The following CELF2 variants were observed in gnomAD, a reference collection of about 807,000 sequenced individuals.
The protein encoded by CELF2 is CUGBP Elav-like family member 2.
Under a neutral mutation model 62.6 loss-of-function variants are expected in CELF2, and 8 were observed. That is an observed-to-expected ratio of 0.13 (90% confidence interval 0.07 to 0.23). CELF2 has a LOEUF of 0.23. Among genes scored for constraint, CELF2 ranks in the 10% least tolerant of loss-of-function variants. The probability of loss-of-function intolerance (pLI) is 1.00; values close to 1 mark genes in which losing one functional copy is unlikely to be tolerated. For synonymous variants in CELF2, 258 were observed against 250.0 expected (o/e 1.03, Z -0.30); for missense variants, 333 against 671.0 (o/e 0.50, Z 5.56).
chr10:11,166,922 G>A (rs369315018), intron 2 of CELF2, among the ~76,000 whole-genome samples: 2 of 152,200 alleles, frequency 1.3e-5, no homozygotes, highest in South Asian at 2.1e-4. Flanking sequence ...GCCTCTTAAG[G>A]AACTGAAGAG....
At chr10:11,062,333 T>C (rs997514191) in intron 1 of CELF2, among the ~76,000 whole-genome samples, 2 of 152,244 alleles carry the variant, frequency 1.3e-5, no homozygotes, top group African/African-American at 4.8e-5. Flanking sequence ...AAGAAACATA[T>C]TTTGTAAGGC....
At chr10:10,670,029 A>G in the CELF2 span, among the ~76,000 whole-genome samples, 5 of 150,840 alleles carry the variant, frequency 3.3e-5, no homozygotes, top group Non-Finnish European at 7.4e-5. Context: ...CAGCCTCCCA[A>G]GTTGCTGGGA....
rs754255050 is a variant in CELF2 at position 11,306,973 on chromosome 10, C to T, written c.977-7166C>T. ...CTCTCCTATGGCCCCCTGAGCTAGG[C>T]TGCCCCATGCTCATAGGCTGTGCGT... On this transcript the variant is annotated intron_variant, in intron 9 of 12. Transcript: ENST00000633077. The surrounding 1 kb of genome is among the most constrained non-coding windows in gnomAD (Gnocchi z 4.4). Among the ~76,000 whole-genome samples the T allele has an allele frequency of 1.4e-4, 22 of 152,226 alleles. No homozygotes were observed. The highest frequency in any genetic ancestry group is 2.9e-4 in the Non-Finnish European group (20 of 68,040).
rs972342082 is a variant in CELF2, at chr10:11,280,466, C to T, written c.841+5346C>T. Among the ~76,000 whole-genome samples, 19 of 152,214 alleles carry T rather than the reference C, an allele frequency of 1.2e-4. No individual in the cohort carries two copies. Among genetic ancestry groups the T allele is most frequent in the Non-Finnish European group, 2.2e-4 (15 of 68,032 alleles). On this transcript the variant is annotated intron_variant, in intron 8 of 12. Transcript: ENST00000633077. This position sits in a 1 kb window ranked among gnomAD's most constrained non-coding sequence, Gnocchi z 7.6. ...AGGGGAAGGCAGGCAGGTGCGATGT[C>T]CACGTTCCGGGTGATGGCGCTGTGG... is the stretch of plus-strand genomic sequence containing the variant.
At position 11,306,426 on chromosome 10, in the gene CELF2, T is replaced by C. The variant is rs1295428194; in HGVS notation, c.977-7713T>C. ...AGCACAGAAATGGAGAGTCTGGGTGTTGGTGGCACCGCATGTGTCTCTGTC... is the reference window on the plus strand; with the variant it reads ...AGCACAGAAATGGAGAGTCTGGGTGCTGGTGGCACCGCATGTGTCTCTGTC... On this transcript the variant is annotated intron_variant, in intron 9 of 12. Coordinates refer to ENST00000633077, the MANE Select transcript of CELF2 (RefSeq NM_001326342.2). This position sits in a 1 kb window ranked among gnomAD's most constrained non-coding sequence, Gnocchi z 4.4. Among the ~76,000 whole-genome samples, 5 of 152,054 alleles carry C rather than the reference T, an allele frequency of 3.3e-5. No individual in the cohort carries two copies. Among genetic ancestry groups the C allele is most frequent in the African/African-American group, 7.2e-5 (3 of 41,400 alleles).
chr10:10,566,758 C>A, the CELF2 span, among the ~76,000 whole-genome samples: 13 of 152,154 alleles, frequency 8.5e-5, no homozygotes, highest in East Asian at 2.3e-3. Context: ...GAGCTGAATT[C>A]TATGCTGAGT....
intron 1 of CELF2, chr10:11,030,419 A>G (rs997709910): frequency 2.0e-5 from 3 of 152,124 alleles, no homozygotes; most frequent in African/African-American, 7.2e-5. Flanking sequence ...TGTGTTTCTC[A>G]TTTCCAAAGC....
At chr10:11,058,969 C>T (rs898730437) in intron 1 of CELF2, among the ~76,000 whole-genome samples, 5 of 151,980 alleles carry the variant, frequency 3.3e-5, no homozygotes, top group Admixed American at 6.6e-5. Context: ...TTTGTTGAGA[C>T]GGGGGGTTTC....
intron 1 of CELF2, among the ~76,000 whole-genome samples, chr10:11,105,740 C>T (rs1423833002): frequency 6.6e-6 from 1 of 152,214 alleles, no homozygotes; most frequent in Admixed American, 6.5e-5. Context: ...TCCTCAGACA[C>T]CTTCACACAT....
chr10:10,765,395 G>A, the CELF2 span, among the ~76,000 whole-genome samples: 1 of 152,172 alleles, frequency 6.6e-6, no homozygotes, highest in African/African-American at 2.4e-5. Context: ...AGCAGAGCTG[G>A]TCCTACAGCA....
intron 1 of CELF2, among the ~76,000 whole-genome samples, chr10:10,919,576 C>T (rs2064687130): frequency 6.6e-6 from 1 of 152,190 alleles, no homozygotes; most frequent in Non-Finnish European, 1.5e-5. Flanking sequence ...GAATACATTT[C>T]TCAGAGATTC....
chr10:11,037,136 G>C (rs2061084825), intron 1 of CELF2, among the ~76,000 whole-genome samples: 1 of 152,234 alleles, frequency 6.6e-6, no homozygotes, highest in African/African-American at 2.4e-5. Context: ...TGGACTCACA[G>C]TTCCACATGG....
chr10:10,564,347 G>A, the CELF2 span, among the ~76,000 whole-genome samples: 1 of 152,186 alleles, frequency 6.6e-6, no homozygotes, highest in Non-Finnish European at 1.5e-5. Flanking sequence ...GAAGAGCTGG[G>A]TGGAGTCCTT....
At chr10:10,562,546 C>G in the CELF2 span, among the ~76,000 whole-genome samples, 1 of 152,188 alleles carries the variant, frequency 6.6e-6, no homozygotes, top group Non-Finnish European at 1.5e-5. Context: ...CCAAGACTCT[C>G]TCCTGAGCAG....
the CELF2 span, among the ~76,000 whole-genome samples, chr10:10,568,260 G>A: frequency 6.6e-6 from 1 of 151,860 alleles, no homozygotes; most frequent in African/African-American, 2.4e-5. Context: ...ATGGGTGTAA[G>A]ATTATTTACA....
At chr10:10,851,143 A>T (rs2059360033) in intron 1 of CELF2, among the ~76,000 whole-genome samples, 1 of 152,232 alleles carries the variant, frequency 6.6e-6, no homozygotes, top group Admixed American at 6.5e-5. Flanking sequence ...GTTGTCCACG[A>T]TGACTAACAA....
the CELF2 span, among the ~76,000 whole-genome samples, chr10:10,596,086 C>T: frequency 6.6e-6 from 1 of 152,078 alleles, no homozygotes; most frequent in Non-Finnish European, 1.5e-5. Context: ...AGCAAGAACC[C>T]TTGTGGGCTA....
At chr10:10,769,550 G>A in the CELF2 span, among the ~76,000 whole-genome samples, 1 of 152,116 alleles carries the variant, frequency 6.6e-6, no homozygotes, top group Non-Finnish European at 1.5e-5. Context: ...GTCACCTGAG[G>A]TCAGGAGTTC....
At chr10:11,079,616 T>A (rs1238818791) in intron 1 of CELF2, among the ~76,000 whole-genome samples, 1 of 152,164 alleles carries the variant, frequency 6.6e-6, no homozygotes, top group Admixed American at 6.5e-5. Flanking sequence ...AGAGGTGCCT[T>A]CCGCCATGAT....
Sources: allele counts gnomAD v4.1 joint callset (sites outside exome capture counted in the v4.1 genomes callset), GRCh38; gene constraint gnomAD v4.1.1; non-coding constraint Gnocchi (gnomAD v3.1); transcripts MANE v1.5; gene names NCBI Gene and HGNC (gene_info 2026-07-23, HGNC 2026-07-21).